FCMR: variants seen among roughly 807,000 people sequenced by gnomAD.
FCMR encodes immunoglobulin mu Fc receptor.
Under a neutral mutation model 41.6 loss-of-function variants are expected in FCMR, and 34 were observed. The ratio of observed to expected loss-of-function variants is 0.82; its 90% CI spans 0.62 to 1.09. FCMR has a LOEUF of 1.09. Among genes scored for constraint, FCMR ranks in the 50% least tolerant of loss-of-function variants. The pLI, the probability that FCMR is intolerant of heterozygous loss-of-function variation, is 0.00. For missense variants in FCMR, 496 were observed against 512.5 expected, an observed-to-expected ratio of 0.97 and a Z score of 0.31; for synonymous variants, 209 against 211.8, an observed-to-expected ratio of 0.99 and a Z score of 0.12.
chr1:206,913,497 C>A, intron 2 of FCMR: 1 of 539,336 alleles, frequency 1.9e-6, no homozygotes, highest in South Asian at 2.7e-5. Context: ...AATCTCAAGC[C>A]TCTACTCCCC....
rs1223722458 is a variant in FCMR, at chr1:206,904,532, T to C, written c.*487A>G. ...AAAGGCGTTTCCAGGAGTGTTTTTA[T>C]ACCAGACCCCTGCTTAGTCCATGGG... On this transcript the variant is annotated 3_prime_UTR_variant, in exon 8 of 8. Transcript: ENST00000367091. The C allele has an allele frequency of 6.1e-6, 1 of 162,632 alleles. No homozygotes were observed. The highest frequency in any genetic ancestry group is 1.4e-5 in the Non-Finnish European group (1 of 73,170). The allele number at this position is 162,632 out of a possible 1,614,324, so 10.1% of individuals were successfully genotyped here. A position where few individuals can be genotyped will look rare whatever the true frequency, so the allele number is the denominator to read the frequency against.
chr1:206,909,718 G>A lies in FCMR; in HGVS notation c.985+7C>T. 2 of 1,426,784 alleles carry A rather than the reference G, an allele frequency of 1.4e-6. No homozygotes were observed. The highest frequency in any genetic ancestry group is 1.8e-6 in the Non-Finnish European group (2 of 1,102,222). The allele number at this position is 1,426,784 out of a possible 1,614,324, so 88.4% of individuals were successfully genotyped here. A position where few individuals can be genotyped will look rare whatever the true frequency, so the allele number is the denominator to read the frequency against. On this transcript the variant is annotated splice_region_variant and intron_variant, in intron 6 of 7. Transcript: ENST00000367091. This position sits in a 1 kb window ranked among gnomAD's most constrained non-coding sequence, Gnocchi z 5.0. ...CGCTACTCCCCGTGGCCCGCCCGGCGGCTCACCTGCAGCGTCCGCTCCACG... is the reference window on the plus strand; with the variant it reads ...CGCTACTCCCCGTGGCCCGCCCGGCAGCTCACCTGCAGCGTCCGCTCCACG...
chr1:206,916,520 C>T (rs1459267924), intron 1 of FCMR, among the ~76,000 whole-genome samples: 2 of 152,192 alleles, frequency 1.3e-5, no homozygotes, highest in East Asian at 1.9e-4. Context: ...CTTGCCTGTT[C>T]GGCTGCTTGT....
chr1:206,922,121 G>A (rs12074421), upstream of FCMR: 354 of 521,454 alleles, frequency 6.8e-4, 2 homozygotes, highest in African/African-American at 6.2e-3. Flanking sequence ...CTGTTCAAAA[G>A]GCATCTAAGA....
At chr1:206,907,808 ACCAACCCTTC>A in intron 7 of FCMR, 1 of 1,396,510 alleles carries the variant, frequency 7.2e-7, no homozygotes, top group Admixed American at 1.7e-5. Context: ...GCGGATGAAC[ACCAACCCTTC>A]CCGAGGTCCC....
chr1:206,907,668 G>GC lies in FCMR; in HGVS notation c.1044+1793dup. ...CTTGATGGTGGAGGCCATCTCCTGG[G>GC]CCCCCTGGCGGCCATCGTGGCTAAC... On this transcript the variant is annotated intron_variant, in intron 7 of 7. Coordinates refer to ENST00000367091, the MANE Select transcript of FCMR (RefSeq NM_005449.5). The GC allele has an allele frequency of 6.3e-6, 5 of 791,840 alleles. No individual in the cohort carries two copies. In the South Asian group the frequency reaches 6.7e-5, roughly 11 times the overall value. The allele number at this position is 791,840 out of a possible 1,614,324, so 49.1% of individuals were successfully genotyped here. A position where few individuals can be genotyped will look rare whatever the true frequency, so the allele number is the denominator to read the frequency against.
chr1:206,915,449 G>A (rs948494589), intron 1 of FCMR, among the ~76,000 whole-genome samples: 9 of 152,138 alleles, frequency 5.9e-5, no homozygotes, highest in Admixed American at 1.3e-4. Context: ...GTGTGTATGT[G>A]TGCATAGGTG....
chr1:206,906,637 GA>G (rs1310550598), intron 7 of FCMR, among the ~76,000 whole-genome samples: 1 of 152,132 alleles, frequency 6.6e-6, no homozygotes, highest in Non-Finnish European at 1.5e-5. Flanking sequence ...CTATAATAAT[GA>G]GTCATTAAGC....
intron 1 of FCMR, chr1:206,921,234 C>T (rs191438986): frequency 1.2e-3 from 218 of 187,040 alleles, no homozygotes; most frequent in Admixed American, 1.9e-3. Flanking sequence ...GAAAGAAGTA[C>T]GGAGACACTT....
At chr1:206,919,965 A>G (rs1295601583) in intron 1 of FCMR, among the ~76,000 whole-genome samples, 2 of 152,234 alleles carry the variant, frequency 1.3e-5, no homozygotes, top group Non-Finnish European at 2.9e-5. Flanking sequence ...AGTTTCTTTC[A>G]TACTCAAGAC....
At position 206,905,116 on chromosome 1, in the gene FCMR, G is replaced by C; in HGVS notation, c.1076C>G (p.Ser359Cys). 1.2e-6 allele frequency: 2 copies of C among 1,614,190 alleles called. No individual in the cohort carries two copies. The highest frequency in any genetic ancestry group is 1.7e-6 in the Non-Finnish European group (2 of 1,180,022). Residue 359 changes from serine (S) to cysteine (C), a missense_variant, in exon 8 of 8, where the codon TCT becomes TGT. Coordinates refer to ENST00000367091, the MANE Select transcript of FCMR (RefSeq NM_005449.5). Reference sequence around the variant, plus strand: ...CACGTATTCACAGCTGGTCTTCAGAGATGGGGCATGGAGCCAGGGAGATTC... The same window carrying C: ...CACGTATTCACAGCTGGTCTTCAGACATGGGGCATGGAGCCAGGGAGATTC... The part of the protein sequence containing the change: ...VSESPWLHAP[S>C]LKTSCEYVSL...
At chr1:206,913,532 T>C in intron 2 of FCMR, 2 of 587,098 alleles carry the variant, frequency 3.4e-6, no homozygotes. Context: ...GGATGAACAA[T>C]ACAAAGAGAG....
intron 4 of FCMR, among the ~76,000 whole-genome samples, chr1:206,910,591 C>T (rs1231588071): frequency 1.3e-5 from 2 of 152,280 alleles, no homozygotes; most frequent in South Asian, 2.1e-4. Context: ...AGCCTTATCT[C>T]TCCATAAATA....
At position 206,904,892 on chromosome 1, in the gene FCMR, C is replaced by A; in HGVS notation, c.*127G>T. On this transcript the variant is annotated 3_prime_UTR_variant, in exon 8 of 8. Coordinates refer to ENST00000367091, the MANE Select transcript of FCMR (RefSeq NM_005449.5). Reference sequence around the variant, plus strand: ...GGCACAGATAGATGGGGATGGGAGTCGAGATGGGGCATGGGAAGTGATGAG... The same window carrying A: ...GGCACAGATAGATGGGGATGGGAGTAGAGATGGGGCATGGGAAGTGATGAG... 9.8e-7 allele frequency: 1 copy of A among 1,016,422 alleles called. No individual in the cohort carries two copies. The highest frequency in any genetic ancestry group is 1.5e-6 in the Non-Finnish European group (1 of 660,018). 63.0% of individuals were successfully genotyped at this position (1,016,422 alleles called of 1,614,324 possible). A position where few individuals can be genotyped will look rare whatever the true frequency, so the allele number is the denominator to read the frequency against.
intron 7 of FCMR, chr1:206,907,883 C>T (rs1191237765): frequency 6.9e-6 from 9 of 1,303,210 alleles, no homozygotes; most frequent in Non-Finnish European, 8.9e-6. Flanking sequence ...GGCTTGCTGC[C>T]CCAAGAGACC....
intron 1 of FCMR, among the ~76,000 whole-genome samples, chr1:206,918,962 G>C (rs1403443026): frequency 6.6e-6 from 1 of 151,988 alleles, no homozygotes; most frequent in African/African-American, 2.4e-5. Flanking sequence ...TATAAATCAA[G>C]CTAATAAACT....
chr1:206,909,584 A>G lies in FCMR; in HGVS notation c.986-64T>C. ...GCTCCCGCCCCACCGTCATGCTACT[A>G]CTCCCAGCTCCACCCCCGCCCCACT... On this transcript the variant is annotated intron_variant, in intron 6 of 7. Coordinates refer to ENST00000367091, the MANE Select transcript of FCMR (RefSeq NM_005449.5). This position sits in a 1 kb window ranked among gnomAD's most constrained non-coding sequence, Gnocchi z 5.0. 1 of 1,271,292 alleles carries G rather than the reference A, an allele frequency of 7.9e-7. No individual in the cohort carries two copies. The highest frequency in any genetic ancestry group is 2.0e-5 in the South Asian group (1 of 49,596). The allele number at this position is 1,271,292 out of a possible 1,614,324, so 78.8% of individuals were successfully genotyped here. A position where few individuals can be genotyped will look rare whatever the true frequency, so the allele number is the denominator to read the frequency against.
At chr1:206,922,760 T>C (rs1160113609), upstream of FCMR, among the ~76,000 whole-genome samples, 1 of 152,096 alleles carries the variant, frequency 6.6e-6, no homozygotes, top group Non-Finnish European at 1.5e-5. Context: ...GGCCCAAGGG[T>C]AAGGCCCATG....
At chr1:206,913,357 C>G (rs1679026256) in intron 2 of FCMR, among the ~76,000 whole-genome samples, 2 of 152,168 alleles carry the variant, frequency 1.3e-5, no homozygotes, top group Admixed American at 1.3e-4. Flanking sequence ...GATCAGGTCA[C>G]AGAGTAATAA....
Sources: allele counts gnomAD v4.1 joint callset (sites outside exome capture counted in the v4.1 genomes callset), GRCh38; gene constraint gnomAD v4.1.1; non-coding constraint Gnocchi (gnomAD v3.1); transcripts MANE v1.5; gene names NCBI Gene and HGNC (gene_info 2026-07-23, HGNC 2026-07-21).